The following TGFA variants were observed in gnomAD, a reference collection of about 807,000 sequenced individuals.
The protein encoded by TGFA is protransforming growth factor alpha.
A neutral mutation model predicts 21.7 loss-of-function variants in TGFA; 12 were observed. The ratio of observed to expected loss-of-function variants is 0.55; its 90% CI spans 0.35 to 0.90. TGFA has a LOEUF of 0.90. TGFA is among the 40% of genes least tolerant of loss of function. The probability of loss-of-function intolerance (pLI) is 0.01; values close to 1 mark genes in which losing one functional copy is unlikely to be tolerated. For missense variants in TGFA, 178 were observed against 210.8 expected, an observed-to-expected ratio of 0.84 and a Z score of 0.96; for synonymous variants, 79 against 88.1, an observed-to-expected ratio of 0.90 and a Z score of 0.58.
chr2:70,492,999 C>A (rs1671478985), intron 2 of TGFA, among the ~76,000 whole-genome samples: 1 of 152,114 alleles, frequency 6.6e-6, no homozygotes, highest in Non-Finnish European at 1.5e-5. Context: ...AGCCCTCATT[C>A]CCTATAGGCT....
intron 1 of TGFA, among the ~76,000 whole-genome samples, chr2:70,547,159 A>G (rs1443584171): frequency 6.6e-6 from 1 of 152,254 alleles, no homozygotes; most frequent in Non-Finnish European, 1.5e-5. Flanking sequence ...TATTCCCACA[A>G]CAATGTGTGG....
chr2:70,538,898 G>A (rs535902618), intron 1 of TGFA, among the ~76,000 whole-genome samples: 3 of 152,264 alleles, frequency 2.0e-5, no homozygotes, highest in African/African-American at 7.2e-5. Flanking sequence ...ATGCCACAGA[G>A]AAATCTTTCA....
At chr2:70,487,625 G>A (rs1306708992) in intron 2 of TGFA, among the ~76,000 whole-genome samples, 1 of 152,174 alleles carries the variant, frequency 6.6e-6, no homozygotes, top group Non-Finnish European at 1.5e-5. Flanking sequence ...AGATTGTGGA[G>A]GATTTTAGAT....
In TGFA at chr2:70,457,910, G is replaced by A. The variant is rs890035831; in HGVS notation, c.216-1422C>T. 4.5e-4 allele frequency among the ~76,000 whole-genome samples: 68 copies of A among 152,170 alleles called. 1 individual carries two copies. The highest frequency in any genetic ancestry group is 8.5e-4 in the Non-Finnish European group (58 of 68,000). The stretch of plus-strand genomic sequence containing the variant: ...TAGATTTAAAGTTTTGTTTAGTTTT[G>A]TTTTTCCCCCAGACATGGCAGTGAT... On this transcript the variant is annotated intron_variant, in intron 3 of 5. Transcript: ENST00000295400.
chr2:70,539,866 T>C (rs1438494849), intron 1 of TGFA, among the ~76,000 whole-genome samples: 1 of 152,212 alleles, frequency 6.6e-6, no homozygotes, highest in Non-Finnish European at 1.5e-5. Context: ...TCTCTAGTTG[T>C]TCCCGTGCCA....
intron 1 of TGFA, among the ~76,000 whole-genome samples, chr2:70,517,342 C>T (rs553832232): frequency 1.3e-5 from 2 of 152,340 alleles, no homozygotes; most frequent in East Asian, 3.9e-4. Flanking sequence ...TCAGCTGAGG[C>T]CCTGTGATGA....
intron 1 of TGFA, among the ~76,000 whole-genome samples, chr2:70,525,951 C>A (rs782604113): frequency 6.6e-6 from 1 of 152,182 alleles, no homozygotes; most frequent in Non-Finnish European, 1.5e-5. Flanking sequence ...ACAGTGCACT[C>A]TGTTGAGAAA....
rs575908067 is a variant in TGFA at position 70,489,731 on chromosome 2, T to C, written c.95-23995A>G. 2.1e-4 allele frequency among the ~76,000 whole-genome samples: 32 copies of C among 152,308 alleles called. No individual in the cohort carries two copies. In the South Asian group the frequency reaches 6.0e-3, roughly 29 times the overall value. On this transcript the variant is annotated intron_variant, in intron 2 of 5. Transcript: ENST00000295400. ...TACCATGTAGGGTCTAGCTATAGGT[T>C]CTCTTTTATAGTCTAGGAACTTGCT...
At chr2:70,528,569 C>T (rs782669774) in intron 1 of TGFA, among the ~76,000 whole-genome samples, 14 of 152,224 alleles carry the variant, frequency 9.2e-5, no homozygotes, top group East Asian at 1.9e-4. Context: ...GGTTGACAGG[C>T]ACACAGTCAG....
At chr2:70,522,756 A>G (rs1672511792) in intron 1 of TGFA, among the ~76,000 whole-genome samples, 1 of 152,180 alleles carries the variant, frequency 6.6e-6, no homozygotes, top group Admixed American at 6.5e-5. Context: ...CAGGATGTGC[A>G]GGTTTGTTAC....
At chr2:70,479,452 C>CTTATAAGACCTTTTCTTTGCAA (rs1243447738) in intron 2 of TGFA, among the ~76,000 whole-genome samples, 30 of 152,266 alleles carry the variant, frequency 2.0e-4, no homozygotes, top group Non-Finnish European at 4.0e-4. Context: ...CACTTCAGTG[C>CTTATAAGACCTTTTCTTTGCAA]TTATAAGACC....
chr2:70,504,449 T>TATATATATATATAC (rs1671844113), intron 2 of TGFA, among the ~76,000 whole-genome samples: 1 of 69,082 alleles, frequency 1.4e-5, no homozygotes, highest in African/African-American at 6.5e-5. Flanking sequence ...TATATATATA[T>TATATATATATATAC]ATATATATAT....
At chr2:70,499,657 T>G (rs1671679947) in intron 2 of TGFA, among the ~76,000 whole-genome samples, 1 of 152,252 alleles carries the variant, frequency 6.6e-6, no homozygotes, top group Non-Finnish European at 1.5e-5. Context: ...GAGCTAGTAT[T>G]CACTTATTTA....
chr2:70,539,344 C>T (rs1457850173), intron 1 of TGFA, among the ~76,000 whole-genome samples: 1 of 152,034 alleles, frequency 6.6e-6, no homozygotes, highest in Non-Finnish European at 1.5e-5. Flanking sequence ...AGAGAGGGAA[C>T]TCATACCTAT....
At chr2:70,453,182 C>A (rs782558378) in intron 5 of TGFA, 36 bp downstream of exon 5, 26 of 1,585,348 alleles carry the variant, frequency 1.6e-5, no homozygotes, top group Non-Finnish European at 2.1e-5. Context: ...TTTTCTCCAC[C>A]CAATAGTGTC....
intron 1 of TGFA, among the ~76,000 whole-genome samples, chr2:70,548,782 T>G (rs1451467880): frequency 6.6e-6 from 1 of 152,220 alleles, no homozygotes. Flanking sequence ...GTGTAATCCT[T>G]AACAGAATTT....
intron 5 of TGFA, 53 bp from the exon 6 acceptor site, chr2:70,450,919 T>C: frequency 6.3e-7 from 1 of 1,590,854 alleles, no homozygotes; most frequent in East Asian, 2.2e-5. Context: ...CTGGCCACGT[T>C]GGGAAAATAA....
chr2:70,504,471 T>TATATATATATAC (rs1671852460), intron 2 of TGFA, among the ~76,000 whole-genome samples: 2 of 87,178 alleles, frequency 2.3e-5, no homozygotes, highest in Non-Finnish European at 4.7e-5. Flanking sequence ...TATACACACA[T>TATATATATATAC]ACATACATAC....
chr2:70,517,862 C>A (rs896974716), intron 1 of TGFA, among the ~76,000 whole-genome samples: 3 of 152,260 alleles, frequency 2.0e-5, no homozygotes, highest in Non-Finnish European at 4.4e-5. Flanking sequence ...TGGGGATTCT[C>A]CCACTGCCTC....
Sources: gnomAD v4.1 joint callset for allele counts (sites outside exome capture counted in the v4.1 genomes callset) on GRCh38, gnomAD v4.1.1 for gene constraint, MANE v1.5 for transcripts, NCBI Gene and HGNC (gene_info 2026-07-23, HGNC 2026-07-21) for gene names.